The following EPG5 variants were observed in gnomAD, a reference collection of about 807,000 sequenced individuals.
The protein encoded by EPG5 is ectopic P granules protein 5 homolog.
Under a neutral mutation model 302.7 loss-of-function variants are expected in EPG5, and 159 were observed. The ratio of observed to expected loss-of-function variants is 0.53; its 90% CI spans 0.46 to 0.60. The LOEUF (loss-of-function observed/expected upper bound fraction) is 0.60, where lower values mean the gene tolerates loss of function less well. Among genes scored for constraint, EPG5 ranks in the 20% least tolerant of loss-of-function variants. EPG5 has a pLI of 0.00. For missense variants in EPG5, 2,896 were observed against 3,092.4 expected (o/e 0.94, Z 1.51); for synonymous variants, 1,158 against 1,136.8 (o/e 1.02, Z -0.37).
the EPG5 span, chr18:45,825,876 G>T: frequency 1.4e-6 from 2 of 1,459,800 alleles, no homozygotes; most frequent in Admixed American, 1.7e-5. Flanking sequence ...GGAAGCAGGT[G>T]TGCAGAGCCT....
At chr18:45,942,823 T>G (rs182057163) in intron 9 of EPG5, among the ~76,000 whole-genome samples, 220 of 152,200 alleles carry the variant, frequency 1.4e-3, no homozygotes, top group African/African-American at 5.1e-3. Flanking sequence ...GCAGTACATA[T>G]TCTCTAAATT....
the EPG5 span, among the ~76,000 whole-genome samples, chr18:45,818,247 GAAGA>G: frequency 7.4e-6 from 1 of 135,340 alleles, no homozygotes; most frequent in Non-Finnish European, 1.6e-5. Flanking sequence ...ATACTGTAAG[GAAGA>G]TTTTATTTTT....
chr18:45,878,553 A>C, intron 33 of EPG5, 105 bp from the exon 34 acceptor site: 1 of 711,316 alleles, frequency 1.4e-6, no homozygotes, highest in Non-Finnish European at 2.4e-6. Flanking sequence ...TAGCTTCATA[A>C]ACCTATGTTA....
rs745308717 is a variant in EPG5 at position 45,912,291 on chromosome 18, C to T, written c.3982G>A (p.Gly1328Arg). Residue 1328 changes from glycine (G) to arginine (R), a missense_variant and splice_region_variant, in exon 22 of 44, where the codon GGG becomes AGG. Physicochemically the swap from Gly to Arg is moderately radical, Grantham distance 125 (BLOSUM62 -2). Coordinates refer to ENST00000282041, the MANE Select transcript of EPG5 (RefSeq NM_020964.3). Reference sequence around the variant, plus strand: ...AACCTACAATACTGGGCAGCATACCCATACTGTGGTCCCGGACGGTGAAGA... The same window carrying T: ...AACCTACAATACTGGGCAGCATACCTATACTGTGGTCCCGGACGGTGAAGA... The part of the protein sequence containing the change: ...LYLHRPGPQY[G>R]LPIDGCIGRR... The T allele has an allele frequency of 6.9e-6, 11 of 1,585,676 alleles. No individual in the cohort carries two copies. The highest frequency in any genetic ancestry group is 9.4e-6 in the Non-Finnish European group (11 of 1,169,342).
chr18:45,839,223 G>A, the EPG5 span: 1 of 1,239,880 alleles, frequency 8.1e-7, no homozygotes, highest in East Asian at 3.2e-5. Context: ...GCATCGTGGC[G>A]CTTTCCTCTC....
At chr18:45,827,118 G>A in the EPG5 span, among the ~76,000 whole-genome samples, 9 of 152,278 alleles carry the variant, frequency 5.9e-5, no homozygotes, top group African/African-American at 1.2e-4. Flanking sequence ...ATTTTGCCAC[G>A]TTGTCCAGCC....
At chr18:45,839,085 C>T in the EPG5 span, 1 of 1,423,694 alleles carries the variant, frequency 7.0e-7, no homozygotes, top group Non-Finnish European at 9.1e-7. Context: ...GCGCTGCCCG[C>T]CGCCGCCCAG....
chr18:45,945,773 G>A (rs147242955), intron 7 of EPG5, among the ~76,000 whole-genome samples: 57 of 152,052 alleles, frequency 3.7e-4, no homozygotes, highest in African/African-American at 1.3e-3. Context: ...TAGCAAAAAT[G>A]CCTGCACATC....
intron 1 of EPG5, among the ~76,000 whole-genome samples, chr18:45,957,899 G>A (rs987683885): frequency 2.0e-5 from 3 of 152,292 alleles, no homozygotes; most frequent in Admixed American, 2.0e-4. Flanking sequence ...GGCACGGGCT[G>A]ACCCAGTGAC....
chr18:45,922,392 C>A lies in EPG5; in HGVS notation c.3047G>T (p.Gly1016Val). The part of the protein sequence containing the change: ...FHPLLKAVKA[G>V]MPIGCYLALS... ...GGCTAGATAACAGCCAATGGGCATG[C>A]CCGCTTTCACAGCCTTCAAGAGAGG... Residue 1016 changes from glycine (G) to valine (V), a missense_variant, in exon 16 of 44, where the codon GGC (glycine) becomes GTC (valine). Transcript: ENST00000282041. 6.2e-7 allele frequency: 1 copy of A among 1,614,182 alleles called. No homozygotes were observed. Among genetic ancestry groups the A allele is most frequent in the Non-Finnish European group, 8.5e-7 (1 of 1,180,042 alleles).
intron 35 of EPG5, among the ~76,000 whole-genome samples, chr18:45,874,572 G>A (rs1443720016): frequency 6.6e-6 from 1 of 152,162 alleles, no homozygotes; most frequent in Admixed American, 6.5e-5. Flanking sequence ...GAGAGAATGA[G>A]AGCCAAGCAA....
At chr18:45,959,008 A>C (rs189762016) in intron 1 of EPG5, among the ~76,000 whole-genome samples, 190 of 152,268 alleles carry the variant, frequency 1.2e-3, no homozygotes, top group African/African-American at 4.4e-3. Context: ...CCAACCCACC[A>C]AGTTATCCTT....
chr18:45,831,465 A>G, the EPG5 span, among the ~76,000 whole-genome samples: 1 of 152,242 alleles, frequency 6.6e-6, no homozygotes, highest in Non-Finnish European at 1.5e-5. Flanking sequence ...TAAGTGTGTT[A>G]GAATTGTGCA....
the EPG5 span, chr18:45,838,562 T>C: frequency 1.0e-5 from 10 of 963,000 alleles, no homozygotes; most frequent in South Asian, 1.9e-4. Context: ...TGATAGAATC[T>C]TTCGCCCAAG....
chr18:45,956,350 G>A (rs541291009), intron 1 of EPG5, among the ~76,000 whole-genome samples: 12 of 152,344 alleles, frequency 7.9e-5, no homozygotes, highest in African/African-American at 2.9e-4. Flanking sequence ...TAAGTGTATT[G>A]CGGGACCTGG....
intron 30 of EPG5, among the ~76,000 whole-genome samples, chr18:45,883,478 T>C (rs1038993062): frequency 2.5e-4 from 38 of 149,444 alleles, no homozygotes; most frequent in Non-Finnish European, 4.0e-4. Context: ...TTTTTTTTTT[T>C]CACAACAGGT....
chr18:45,866,717 C>T, intron 38 of EPG5, 81 bp downstream of exon 38: 1 of 1,093,930 alleles, frequency 9.1e-7, no homozygotes, highest in Admixed American at 1.8e-5. Flanking sequence ...CACTTCCTAG[C>T]TTCGACTGTC....
At chr18:45,951,020 C>A in intron 4 of EPG5, 82 bp downstream of exon 4, 4 of 1,171,568 alleles carry the variant, frequency 3.4e-6, no homozygotes, top group Admixed American at 3.0e-5. Flanking sequence ...AGTTGAAGAC[C>A]AAATGTAATG....
chr18:45,910,497 A>T (rs1333649535), intron 23 of EPG5, 24 bp downstream of exon 23: 5 of 1,545,868 alleles, frequency 3.2e-6, no homozygotes, highest in Non-Finnish European at 4.4e-6. Flanking sequence ...ACAACAATGT[A>T]GGTGGCTAAA....
Sources: gnomAD v4.1 joint callset for allele counts (sites outside exome capture counted in the v4.1 genomes callset) on GRCh38, gnomAD v4.1.1 for gene constraint, MANE v1.5 for transcripts, NCBI Gene and HGNC (gene_info 2026-07-23, HGNC 2026-07-21) for gene names.